The following LAMB1 variants were observed in gnomAD, a reference collection of about 807,000 sequenced individuals.
LAMB1 encodes laminin subunit beta-1.
In LAMB1, 121 loss-of-function variants were observed where a neutral mutation model predicts 222.3. That is an observed-to-expected ratio of 0.54 (90% confidence interval 0.47 to 0.63). LAMB1 has a LOEUF of 0.63. LAMB1 is among the 30% of genes least tolerant of loss of function. The pLI is 0.00. For missense variants in LAMB1, 2,172 were observed against 2,240.8 expected (o/e 0.97, Z 0.62); for synonymous variants, 794 against 807.2 (o/e 0.98, Z 0.28).
At chr7:107,931,650 T>C (rs2032714354) in intron 28 of LAMB1, 150 bp from the exon 29 acceptor site, 2 of 719,182 alleles carry the variant, frequency 2.8e-6, no homozygotes, top group African/African-American at 3.6e-5. Flanking sequence ...AACAAAGTAT[T>C]GTATCTTACA....
intron 7 of LAMB1, among the ~76,000 whole-genome samples, chr7:107,984,929 G>T (rs577920527): frequency 1.3e-5 from 2 of 152,168 alleles, no homozygotes; most frequent in East Asian, 3.9e-4. Flanking sequence ...TATTTTATCT[G>T]GTAAGCTTAA....
At chr7:107,964,826 T>C (rs2033595557) in intron 13 of LAMB1, 139 bp from the exon 14 acceptor site, 6 of 1,014,864 alleles carry the variant, frequency 5.9e-6, no homozygotes, top group Non-Finnish European at 7.1e-6. Flanking sequence ...AAAATACATA[T>C]GTGGAAAAAA....
intron 17 of LAMB1, among the ~76,000 whole-genome samples, chr7:107,960,850 C>T (rs919242049): frequency 6.6e-6 from 1 of 152,148 alleles, no homozygotes; most frequent in Non-Finnish European, 1.5e-5. Context: ...AGCTTGATGG[C>T]TTTTAAATGC....
At chr7:107,929,849 G>A (rs1268344783) in intron 29 of LAMB1, 4 of 560,780 alleles carry the variant, frequency 7.1e-6, no homozygotes, top group Non-Finnish European at 1.3e-5. Context: ...TTTGTTTTAG[G>A]CTGGGTAGTG....
At chr7:107,961,469 C>T in intron 16 of LAMB1, 80 bp downstream of exon 16, 1 of 1,584,504 alleles carries the variant, frequency 6.3e-7, no homozygotes. Flanking sequence ...GAAATGGTGA[C>T]TTGAAAACTC....
chr7:107,986,075 C>T lies in LAMB1; in HGVS notation c.623G>A (p.Arg208His), dbSNP rs1424457865. The stretch of plus-strand genomic sequence containing the variant: ...TATTTTGAAAGCAGGATCTAAAGCA[C>T]GAAATATCACCTAAAAATGGAAACA... ...EPSTEGEVIF[R>H]ALDPAFKIED... Residue 208 changes from arginine to histidine, a missense_variant, in exon 7 of 34, where the codon CGT becomes CAT. Arg to His is a conservative substitution (Grantham distance 29). Coordinates refer to ENST00000222399, the MANE Select transcript of LAMB1 (RefSeq NM_002291.3). The T allele has an allele frequency of 1.9e-6, 3 of 1,612,084 alleles. No homozygotes were observed. The highest frequency in any genetic ancestry group is 1.7e-5 in the Admixed American group (1 of 59,990).
At chr7:107,932,546 A>T (rs2032739797) in intron 27 of LAMB1, 169 bp from the exon 28 acceptor site, 1 of 634,022 alleles carries the variant, frequency 1.6e-6, no homozygotes, top group Non-Finnish European at 2.8e-6. Context: ...AGAGTTTAGG[A>T]GTAAACTAAC....
chr7:107,929,351 T>C, intron 30 of LAMB1, 61 bp downstream of exon 30: 1 of 1,527,260 alleles, frequency 6.5e-7, no homozygotes, highest in South Asian at 1.1e-5. Flanking sequence ...GTTAAAGAGA[T>C]ACTTTTTACT....
chr7:107,953,263 A>G (rs952183866), intron 22 of LAMB1, among the ~76,000 whole-genome samples: 7 of 151,992 alleles, frequency 4.6e-5, no homozygotes, highest in South Asian at 4.2e-4. Flanking sequence ...AGGCTGAGGC[A>G]TGAGAATCAC....
At chr7:107,985,178 T>C (rs1346279211) in intron 7 of LAMB1, among the ~76,000 whole-genome samples, 1 of 152,230 alleles carries the variant, frequency 6.6e-6, no homozygotes, top group Admixed American at 6.5e-5. Context: ...CAGATGTAAA[T>C]GTATTCCCTA....
intron 7 of LAMB1, among the ~76,000 whole-genome samples, chr7:107,983,843 C>A (rs1341855808): frequency 6.6e-6 from 1 of 151,934 alleles, no homozygotes; most frequent in African/African-American, 2.4e-5. Flanking sequence ...ACCATACATG[C>A]CTCCCAAGAA....
At chr7:107,987,711 A>G (rs1422689636) in intron 5 of LAMB1, among the ~76,000 whole-genome samples, 1 of 152,206 alleles carries the variant, frequency 6.6e-6, no homozygotes, top group Admixed American at 6.5e-5. Flanking sequence ...CATGTTGGCC[A>G]GGCTGGTTTA....
Position 107,964,458 on chromosome 7 carries a change from A to C in LAMB1, c.1698+94T>G, listed in dbSNP as rs878992388. 14 of 1,457,138 alleles carry C rather than the reference A, an allele frequency of 9.6e-6. No homozygotes were observed. The South Asian group carries it at 1.7e-4, about 18-fold the overall frequency. The allele number at this position is 1,457,138 out of a possible 1,614,324, so 90.3% of individuals were successfully genotyped here. A position where few individuals can be genotyped will look rare whatever the true frequency, so the allele number is the denominator to read the frequency against. On this transcript the variant is annotated intron_variant, in intron 14 of 33. Coordinates refer to ENST00000222399, the MANE Select transcript of LAMB1 (RefSeq NM_002291.3). Reference sequence around the variant, plus strand: ...TTTGTGCTCACTGACAAAGCTATAAAAATGCTTCTGAAATGGGGTCTTTAC... The same window carrying C: ...TTTGTGCTCACTGACAAAGCTATAACAATGCTTCTGAAATGGGGTCTTTAC...
intron 5 of LAMB1, among the ~76,000 whole-genome samples, chr7:107,987,528 A>G (rs1269464159): frequency 6.6e-6 from 1 of 152,086 alleles, no homozygotes; most frequent in Non-Finnish European, 1.5e-5. Flanking sequence ...TTTGAGGCAG[A>G]GTCTCGCTGT....
intron 13 of LAMB1, among the ~76,000 whole-genome samples, chr7:107,967,777 C>T (rs2033664093): frequency 6.6e-6 from 1 of 152,122 alleles, no homozygotes; most frequent in Admixed American, 6.6e-5. Context: ...AAAATAGTCC[C>T]TGTCTTCAAG....
intron 4 of LAMB1, among the ~76,000 whole-genome samples, chr7:107,997,036 G>A (rs940414805): frequency 6.6e-6 from 1 of 152,160 alleles, no homozygotes; most frequent in Non-Finnish European, 1.5e-5. Flanking sequence ...GCTTTCTGAT[G>A]ACCCAATGAA....
chr7:107,963,759 A>G (rs2033563247), intron 14 of LAMB1, among the ~76,000 whole-genome samples: 1 of 152,212 alleles, frequency 6.6e-6, no homozygotes, highest in Non-Finnish European at 1.5e-5. Flanking sequence ...GCTTTCAGAG[A>G]GCTGGCAGCT....
In LAMB1 at chr7:107,929,139, C is replaced by T. The variant is rs1381913728; in HGVS notation, c.4812G>A (p.Lys1604=). The T allele has an allele frequency of 6.2e-7, 1 of 1,614,014 alleles. No individual in the cohort carries two copies. The highest frequency in any genetic ancestry group is 8.5e-7 in the Non-Finnish European group (1 of 1,179,982). ...TTGCCTTCTCTGCTGCGACCTGGGC[C>T]TTTTCTGCTTCTTCCAGAGCTTCCT... ...MVKEALEEAE[K]AQVAAEKAIK... is the part of the protein sequence containing the mutation. The change falls in exon 31 of 34, where the codon AAG becomes AAA. Residue 1604 remains lysine, a synonymous_variant. Coordinates refer to ENST00000222399, the MANE Select transcript of LAMB1 (RefSeq NM_002291.3).
chr7:107,924,119 G>C (rs1022278490), intron 33 of LAMB1, 32 bp from the exon 34 acceptor site: 2 of 1,521,874 alleles, frequency 1.3e-6, no homozygotes, highest in African/African-American at 2.8e-5. Flanking sequence ...TAAAGTCTGA[G>C]CAATTTATAC....
Sources: gnomAD v4.1 joint callset for allele counts (sites outside exome capture counted in the v4.1 genomes callset) on GRCh38, gnomAD v4.1.1 for gene constraint, MANE v1.5 for transcripts, NCBI Gene and HGNC (gene_info 2026-07-23, HGNC 2026-07-21) for gene names.